CSMD1: variants seen among roughly 807,000 people sequenced by gnomAD.
The protein encoded by CSMD1 is CUB and sushi domain-containing protein 1.
Under a neutral mutation model 417.5 loss-of-function variants are expected in CSMD1, and 213 were observed. The observed-to-expected ratio is 0.51, with a 90% CI of 0.46 to 0.57. CSMD1 has a LOEUF of 0.57. Ranked by LOEUF, CSMD1 falls within the 20% of genes least tolerant of loss-of-function variation. CSMD1 has a pLI of 0.00. For missense variants in CSMD1, 6,923 were observed against 4,529.7 expected (o/e 1.53, Z -15.17); for synonymous variants, 2,862 against 1,736.8 (o/e 1.65, Z -16.11).
intron 25 of CSMD1, among the ~76,000 whole-genome samples, chr8:3,292,989 G>C (rs889551459): frequency 3.7e-4 from 57 of 152,016 alleles, no homozygotes; most frequent in African/African-American, 1.3e-3. Context: ...CATGTTTAGT[G>C]CTTCCTTCAG....
chr8:3,162,153 G>T lies in CSMD1; in HGVS notation c.5844+6C>A, dbSNP rs1165741840. ...TGTTATTCCTGAGCACTGAGAAGAA[G>T]GATACCTGCAGGGTGTACCCGGGCT... is the stretch of plus-strand genomic sequence containing the variant. On this transcript the variant is annotated splice_donor_region_variant and intron_variant, in intron 38 of 69. Transcript: ENST00000635120. The T allele has an allele frequency of 6.4e-7, 1 of 1,568,086 alleles. No individual in the cohort carries two copies. Among genetic ancestry groups the T allele is most frequent in the African/African-American group, 1.3e-5 (1 of 74,104 alleles).
At chr8:3,923,366 C>G (rs1024794817) in intron 5 of CSMD1, among the ~76,000 whole-genome samples, 1 of 152,152 alleles carries the variant, frequency 6.6e-6, no homozygotes, top group South Asian at 2.1e-4. Flanking sequence ...CGCTTGTCCC[C>G]TTCCCATTGC....
chr8:4,897,585 TTC>T (rs1804581797), intron 1 of CSMD1, among the ~76,000 whole-genome samples: 1 of 152,116 alleles, frequency 6.6e-6, no homozygotes, highest in Non-Finnish European at 1.5e-5. Context: ...GTTTTATAAA[TTC>T]TTAGTGACCA....
In CSMD1 at chr8:3,515,951, C is replaced by A. The variant is rs555348889; in HGVS notation, c.1345-22225G>T. On this transcript the variant is annotated intron_variant, in intron 10 of 69. Coordinates refer to ENST00000635120, the MANE Select transcript of CSMD1 (RefSeq NM_033225.6). ...TGAATACTAGTATGTGTTTGAGTGACGTACCAAACTGTTCGTTGCCAGTCA... is the reference window on the plus strand; with the variant it reads ...TGAATACTAGTATGTGTTTGAGTGAAGTACCAAACTGTTCGTTGCCAGTCA... Among the ~76,000 whole-genome samples, 3 of 152,262 alleles carry A rather than the reference C, an allele frequency of 2.0e-5. No homozygotes were observed. The South Asian group carries it at 6.2e-4, about 32-fold the overall frequency.
intron 11 of CSMD1, among the ~76,000 whole-genome samples, chr8:3,489,839 A>T (rs1160547766): frequency 6.6e-6 from 1 of 152,200 alleles, no homozygotes; most frequent in African/African-American, 2.4e-5. Flanking sequence ...ATTTCCCACA[A>T]AATGGAAACC....
chr8:4,631,364 G>C, intron 2 of CSMD1, among the ~76,000 whole-genome samples: 1 of 150,624 alleles, frequency 6.6e-6, no homozygotes. Context: ...TCAGTCTCAA[G>C]ACAATAAAAT....
At chr8:4,839,085 T>A (rs971624715) in intron 1 of CSMD1, among the ~76,000 whole-genome samples, 8 of 152,208 alleles carry the variant, frequency 5.3e-5, no homozygotes, top group Non-Finnish European at 8.8e-5. Flanking sequence ...CCTGGTATTT[T>A]ACTCCTCTGA....
chr8:3,403,959 A>G (rs553911961), intron 15 of CSMD1, among the ~76,000 whole-genome samples: 193 of 152,326 alleles, frequency 1.3e-3, no homozygotes, highest in Non-Finnish European at 1.8e-3. Context: ...TTGCCCTTCT[A>G]TTTATCAATA....
chr8:4,879,811 C>G (rs1803281182), intron 1 of CSMD1, among the ~76,000 whole-genome samples: 1 of 152,004 alleles, frequency 6.6e-6, no homozygotes, highest in Non-Finnish European at 1.5e-5. Context: ...ATGCATCTCT[C>G]AAAACATCAT....
At chr8:3,492,067 G>C (rs1011475601) in intron 11 of CSMD1, among the ~76,000 whole-genome samples, 1 of 152,186 alleles carries the variant, frequency 6.6e-6, no homozygotes. Context: ...GAGAACTTGT[G>C]AGTCATTCAA....
intron 1 of CSMD1, among the ~76,000 whole-genome samples, chr8:4,705,829 C>A (rs745705743): frequency 1.3e-5 from 2 of 152,066 alleles, no homozygotes; most frequent in Non-Finnish European, 2.9e-5. Flanking sequence ...ATTCTATGAG[C>A]CAGCTGCATC....
In CSMD1 at chr8:4,100,744, G is replaced by A. The variant is rs533442014; in HGVS notation, c.416-68645C>T. 7.9e-5 allele frequency among the ~76,000 whole-genome samples: 12 copies of A among 152,272 alleles called. No individual in the cohort carries two copies. The East Asian group carries it at 1.5e-3, about 20-fold the overall frequency. On this transcript the variant is annotated intron_variant, in intron 3 of 69. Transcript: ENST00000635120. The stretch of plus-strand genomic sequence containing the variant: ...TTCCACACTGCTGTTCTAGGGAGCT[G>A]CAGGGGACTACATAAATGAAGTCAT...
intron 41 of CSMD1, among the ~76,000 whole-genome samples, chr8:3,129,580 G>T (rs910659223): frequency 1.3e-5 from 2 of 152,004 alleles, no homozygotes; most frequent in African/African-American, 4.8e-5. Context: ...TTCAAGACCA[G>T]CCTGCCCAAC....
At chr8:4,058,897 A>C (rs1585224831) in intron 3 of CSMD1, among the ~76,000 whole-genome samples, 1 of 152,188 alleles carries the variant, frequency 6.6e-6, no homozygotes, top group African/African-American at 2.4e-5. Flanking sequence ...AGAGAAAGTT[A>C]ACAAGGATAC....
intron 3 of CSMD1, among the ~76,000 whole-genome samples, chr8:4,202,942 C>A (rs1033040852): frequency 3.3e-5 from 5 of 152,078 alleles, no homozygotes; most frequent in African/African-American, 1.2e-4. Context: ...GGCCTTATCT[C>A]TTTTTGCAGT....
intron 23 of CSMD1, among the ~76,000 whole-genome samples, chr8:3,336,286 C>A (rs1807257861): frequency 6.6e-6 from 1 of 152,248 alleles, no homozygotes; most frequent in African/African-American, 2.4e-5. Context: ...GTTTCCAAGG[C>A]CCCTGAACCC....
intron 2 of CSMD1, among the ~76,000 whole-genome samples, chr8:4,608,497 T>C (rs1158810001): frequency 2.6e-5 from 4 of 152,208 alleles, no homozygotes; most frequent in Non-Finnish European, 4.4e-5. Flanking sequence ...TGATGTATTA[T>C]TTGGAGTGTT....
chr8:4,609,369 C>G (rs1038552638), intron 2 of CSMD1, among the ~76,000 whole-genome samples: 2 of 152,160 alleles, frequency 1.3e-5, no homozygotes, highest in African/African-American at 2.4e-5. Context: ...TGACTGCACT[C>G]CAGCCTGGGT....
chr8:4,150,783 T>G (rs1429066358), intron 3 of CSMD1, among the ~76,000 whole-genome samples: 4 of 152,194 alleles, frequency 2.6e-5, no homozygotes, highest in African/African-American at 9.7e-5. Flanking sequence ...ATCATTTAAA[T>G]GTGTAGTTTG....
Sources: gnomAD v4.1 joint callset for allele counts (sites outside exome capture counted in the v4.1 genomes callset) on GRCh38, gnomAD v4.1.1 for gene constraint, MANE v1.5 for transcripts, NCBI Gene and HGNC (gene_info 2026-07-23, HGNC 2026-07-21) for gene names.